The following RAB31 variants were observed in gnomAD, a reference collection of about 807,000 sequenced individuals.
The protein encoded by RAB31 is RAB31, member RAS oncogene family.
RAB31 carries 21 observed loss-of-function variants against 25.6 expected under a neutral mutation model. The observed-to-expected ratio is 0.82, with a 90% CI of 0.58 to 1.18. The LOEUF (loss-of-function observed/expected upper bound fraction) is 1.18. Ranked by LOEUF, RAB31 falls within the 50% of genes most tolerant of loss-of-function variation. RAB31 has a pLI of 0.00. For missense variants in RAB31, 196 were observed against 250.1 expected, an observed-to-expected ratio of 0.78 and a Z score of 1.46; for synonymous variants, 87 against 84.0, an observed-to-expected ratio of 1.04 and a Z score of -0.20.
intron 1 of RAB31, among the ~76,000 whole-genome samples, chr18:9,749,849 A>C (rs1458894467): frequency 6.6e-6 from 1 of 152,208 alleles, no homozygotes; most frequent in African/African-American, 2.4e-5. Context: ...TCTGGGATGC[A>C]ACATGAGAGA....
chr18:9,798,262 C>T (rs1282313179), intron 3 of RAB31, among the ~76,000 whole-genome samples: 4 of 152,202 alleles, frequency 2.6e-5, no homozygotes, highest in Non-Finnish European at 5.9e-5. Flanking sequence ...CCCCAGCCCT[C>T]GACGGCCTGA....
At chr18:9,720,577 GAC>G (rs374585498) in intron 1 of RAB31, among the ~76,000 whole-genome samples, 3 of 151,820 alleles carry the variant, frequency 2.0e-5, no homozygotes, top group Admixed American at 1.3e-4. Context: ...ACTTACATGA[GAC>G]ACACACACAC....
chr18:9,815,009 C>T (rs937754441), intron 4 of RAB31, 107 bp from the exon 5 acceptor site: 4 of 780,094 alleles, frequency 5.1e-6, no homozygotes, highest in African/African-American at 1.8e-5. Flanking sequence ...GCATGAGTCT[C>T]CTAAAAATAT....
intron 1 of RAB31, among the ~76,000 whole-genome samples, chr18:9,764,656 T>G (rs2068305992): frequency 6.6e-6 from 1 of 152,202 alleles, no homozygotes; most frequent in Non-Finnish European, 1.5e-5. Flanking sequence ...TTCCGCTTAT[T>G]TTTTCGTATT....
chr18:9,730,441 C>T (rs747163144), intron 1 of RAB31, among the ~76,000 whole-genome samples: 1 of 152,124 alleles, frequency 6.6e-6, no homozygotes, highest in Non-Finnish European at 1.5e-5. Flanking sequence ...CATGTGCCAC[C>T]ATGCCCAGCT....
intron 3 of RAB31, among the ~76,000 whole-genome samples, chr18:9,804,221 C>T (rs779021912): frequency 6.6e-6 from 1 of 152,214 alleles, no homozygotes; most frequent in Non-Finnish European, 1.5e-5. Flanking sequence ...CTCTCCAGTG[C>T]GTGTCCCCTT....
intron 5 of RAB31, among the ~76,000 whole-genome samples, chr18:9,825,181 T>G (rs2068643800): frequency 6.6e-6 from 1 of 152,242 alleles, no homozygotes; most frequent in Non-Finnish European, 1.5e-5. Context: ...GGGTACCAGC[T>G]GACTTGCCTG....
chr18:9,840,642 A>G (rs1429614501), intron 5 of RAB31, among the ~76,000 whole-genome samples: 3 of 152,212 alleles, frequency 2.0e-5, no homozygotes, highest in Non-Finnish European at 4.4e-5. Flanking sequence ...TGGATGTCCT[A>G]CTATTCAGTT....
chr18:9,851,855 T>C (rs1238523122), intron 6 of RAB31, among the ~76,000 whole-genome samples: 2 of 151,968 alleles, frequency 1.3e-5, no homozygotes, highest in African/African-American at 4.8e-5. Flanking sequence ...ATCTCATATT[T>C]CATAATATTT....
At chr18:9,843,560 A>G (rs2068745257) in intron 5 of RAB31, among the ~76,000 whole-genome samples, 1 of 152,024 alleles carries the variant, frequency 6.6e-6, no homozygotes, top group Admixed American at 6.6e-5. Flanking sequence ...AAAAAAAAAA[A>G]AAAAACTTCA....
intron 3 of RAB31, among the ~76,000 whole-genome samples, chr18:9,794,672 A>T (rs1199903645): frequency 6.6e-6 from 1 of 152,056 alleles, no homozygotes; most frequent in Non-Finnish European, 1.5e-5. Flanking sequence ...AAAATTAGTC[A>T]GGCGTGGTGG....
At chr18:9,788,252 A>G (rs937431176) in intron 2 of RAB31, among the ~76,000 whole-genome samples, 2 of 152,218 alleles carry the variant, frequency 1.3e-5, no homozygotes, top group African/African-American at 4.8e-5. Context: ...AGACATCTCT[A>G]AAAAGAAGAC....
chr18:9,850,027 G>A (rs558282779), intron 6 of RAB31, among the ~76,000 whole-genome samples: 2 of 152,334 alleles, frequency 1.3e-5, no homozygotes, highest in East Asian at 3.9e-4. Flanking sequence ...GTTGGCATGC[G>A]ATTGTAATAA....
In RAB31 at chr18:9,779,465, A is replaced by G. The variant is rs115515488; in HGVS notation, c.119+4108A>G. ...CACACTTTACCTAACAAGCCACAAC[A>G]TACATTCCCAGTCCACTTAGGTCCT... On this transcript the variant is annotated intron_variant, in intron 2 of 6. Transcript: ENST00000578921. Among the ~76,000 whole-genome samples the G allele has an allele frequency of 1.9e-3, 296 of 152,260 alleles. 1 individual carries two copies. Among genetic ancestry groups the G allele is most frequent in the African/African-American group, 6.8e-3 (282 of 41,564 alleles).
chr18:9,822,464 C>A (rs1029882261), intron 5 of RAB31, among the ~76,000 whole-genome samples: 1 of 152,032 alleles, frequency 6.6e-6, no homozygotes, highest in Non-Finnish European at 1.5e-5. Context: ...AAATTAGACA[C>A]CCTTAAAATT....
intron 6 of RAB31, among the ~76,000 whole-genome samples, chr18:9,852,890 G>A (rs1045822736): frequency 6.6e-5 from 10 of 152,166 alleles, no homozygotes; most frequent in African/African-American, 1.2e-4. Context: ...CCTTGTCAAC[G>A]CTTGGTACCG....
chr18:9,807,581 GA>G (rs1216239712), intron 3 of RAB31, among the ~76,000 whole-genome samples: 1 of 151,986 alleles, frequency 6.6e-6, no homozygotes, highest in African/African-American at 2.4e-5. Flanking sequence ...TCATGGGTGG[GA>G]AAAAATGCAT....
chr18:9,830,167 A>AT (rs2068670265), intron 5 of RAB31, among the ~76,000 whole-genome samples: 1 of 151,628 alleles, frequency 6.6e-6, no homozygotes, highest in South Asian at 2.1e-4. Context: ...TACCCAGCTA[A>AT]TTTTTTTAAA....
intron 6 of RAB31, among the ~76,000 whole-genome samples, chr18:9,856,942 G>A (rs2068819164): frequency 6.6e-6 from 1 of 152,056 alleles, no homozygotes; most frequent in African/African-American, 2.4e-5. Context: ...TATCACTTAA[G>A]GTTGACCAAG....
Sources: gnomAD v4.1 joint callset for allele counts (sites outside exome capture counted in the v4.1 genomes callset) on GRCh38, gnomAD v4.1.1 for gene constraint, MANE v1.5 for transcripts, NCBI Gene and HGNC (gene_info 2026-07-23, HGNC 2026-07-21) for gene names.